The following SLC4A10 variants were observed in gnomAD, a reference collection of about 807,000 sequenced individuals.
SLC4A10 encodes sodium-driven chloride bicarbonate exchanger.
Under a neutral mutation model 137.7 loss-of-function variants are expected in SLC4A10, and 42 were observed. That is an observed-to-expected ratio of 0.30 (90% CI 0.24 to 0.39). The LOEUF (loss-of-function observed/expected upper bound fraction) is 0.39, where lower values mean the gene tolerates loss of function less well. SLC4A10 is among the 10% of genes least tolerant of loss of function. SLC4A10 has a pLI of 1.00. For synonymous variants in SLC4A10, 474 were observed against 464.1 expected (o/e 1.02, Z -0.27); for missense variants, 925 against 1,355.0 (o/e 0.68, Z 4.98).
intron 1 of SLC4A10, among the ~76,000 whole-genome samples, chr2:161,648,245 T>C (rs1347021516): frequency 6.6e-6 from 1 of 152,126 alleles, no homozygotes; most frequent in Non-Finnish European, 1.5e-5. Flanking sequence ...CATTCTCTTA[T>C]AGTTTACTTA....
At chr2:161,708,622 G>A in intron 1 of SLC4A10, 1 of 1,410,300 alleles carries the variant, frequency 7.1e-7, no homozygotes, top group Non-Finnish European at 9.3e-7. Flanking sequence ...TAGTATATGT[G>A]ATTTGATATC....
At chr2:161,925,980 T>C (rs1393141915) in intron 15 of SLC4A10, among the ~76,000 whole-genome samples, 2 of 152,120 alleles carry the variant, frequency 1.3e-5, no homozygotes, top group Non-Finnish European at 2.9e-5. Context: ...AACTATGTGG[T>C]CAATTTTGGA....
At position 161,753,005 on chromosome 2, in the gene SLC4A10, G is replaced by A. The variant is rs141198910; in HGVS notation, c.49-17968G>A. Reference sequence around the variant, plus strand: ...CTACATATAGCAAGATATGTTTTACGCTATAAATATATACAATTATATTTG... The same window carrying A: ...CTACATATAGCAAGATATGTTTTACACTATAAATATATACAATTATATTTG... On this transcript the variant is annotated intron_variant, in intron 1 of 26. Coordinates refer to ENST00000446997, the MANE Select transcript of SLC4A10 (RefSeq NM_001178015.2). 2.9e-3 allele frequency among the ~76,000 whole-genome samples: 446 copies of A among 151,876 alleles called. 1 individual carries two copies. Among genetic ancestry groups the A allele is most frequent in the African/African-American group, 0.01 (417 of 41,426 alleles).
At chr2:161,767,462 G>A (rs538466676) in intron 1 of SLC4A10, among the ~76,000 whole-genome samples, 24 of 151,310 alleles carry the variant, frequency 1.6e-4, no homozygotes, top group Non-Finnish European at 3.1e-4. Context: ...CTAACTCCCT[G>A]AACTCCTTTC....
intron 3 of SLC4A10, among the ~76,000 whole-genome samples, chr2:161,806,441 G>T (rs920295181): frequency 1.1e-4 from 16 of 152,058 alleles, no homozygotes; most frequent in African/African-American, 3.4e-4. Flanking sequence ...CAAATTTTCT[G>T]AACTTTTATC....
chr2:161,626,466 G>A (rs2032386654), intron 1 of SLC4A10, among the ~76,000 whole-genome samples: 1 of 152,082 alleles, frequency 6.6e-6, no homozygotes, highest in South Asian at 2.1e-4. Flanking sequence ...ATGTCATGGG[G>A]TTAATGGTCA....
At chr2:161,904,731 C>T (rs1190268554) in intron 13 of SLC4A10, 45 bp from the exon 14 acceptor site, 6 of 1,608,686 alleles carry the variant, frequency 3.7e-6, no homozygotes, top group Non-Finnish European at 5.1e-6. Context: ...CTACAATGGC[C>T]TCCTGTACAG....
chr2:161,698,629 A>G (rs1328892589), intron 1 of SLC4A10, among the ~76,000 whole-genome samples: 2 of 152,152 alleles, frequency 1.3e-5, no homozygotes, highest in Non-Finnish European at 2.9e-5. Flanking sequence ...GTGTATATTG[A>G]ACCAGCCTTG....
chr2:161,908,797 C>T (rs1299761961), intron 15 of SLC4A10, among the ~76,000 whole-genome samples: 1 of 151,268 alleles, frequency 6.6e-6, no homozygotes, highest in Non-Finnish European at 1.5e-5. Flanking sequence ...CAGAGAAGGA[C>T]TATGTGTGTT....
intron 1 of SLC4A10, among the ~76,000 whole-genome samples, chr2:161,745,139 C>T (rs543677965): frequency 1.1e-4 from 16 of 152,252 alleles, no homozygotes; most frequent in African/African-American, 3.6e-4. Flanking sequence ...TCTTTGAATA[C>T]ACTTTCTATG....
chr2:161,935,118 C>T (rs961123112), intron 15 of SLC4A10, among the ~76,000 whole-genome samples: 1 of 152,130 alleles, frequency 6.6e-6, no homozygotes, highest in Non-Finnish European at 1.5e-5. Flanking sequence ...ATTCAGTTGT[C>T]CCAACACCAT....
chr2:161,708,930 TG>T, intron 1 of SLC4A10: 1 of 1,306,572 alleles, frequency 7.7e-7, no homozygotes, highest in South Asian at 1.5e-5. Context: ...AATTGTTTAT[TG>T]TCAGACTTTC....
intron 1 of SLC4A10, among the ~76,000 whole-genome samples, chr2:161,637,088 C>G (rs377716306): frequency 5.5e-4 from 68 of 123,712 alleles, no homozygotes; most frequent in African/African-American, 1.8e-3. Flanking sequence ...TACGTATATA[C>G]ATATACGTAT....
At chr2:161,727,241 T>C (rs1370195498) in intron 1 of SLC4A10, among the ~76,000 whole-genome samples, 1 of 152,214 alleles carries the variant, frequency 6.6e-6, no homozygotes, top group Non-Finnish European at 1.5e-5. Flanking sequence ...TATTGCAGGA[T>C]CCTTCCCTGT....
chr2:161,771,090 CTTTCCAAAAGTA>C (rs1258967326), intron 2 of SLC4A10, 36 bp downstream of exon 2: 3 of 1,419,306 alleles, frequency 2.1e-6, no homozygotes. Context: ...TATTGGTGTG[CTTTCCAAAAGTA>C]TTTCACAGAT....
chr2:161,917,778 G>A (rs955904530), intron 15 of SLC4A10, among the ~76,000 whole-genome samples: 1 of 152,130 alleles, frequency 6.6e-6, no homozygotes, highest in Non-Finnish European at 1.5e-5. Context: ...AGAGTGAAGG[G>A]ATCATTAGGG....
intron 1 of SLC4A10, among the ~76,000 whole-genome samples, chr2:161,638,394 A>G (rs1175443012): frequency 6.6e-6 from 1 of 151,944 alleles, no homozygotes; most frequent in Non-Finnish European, 1.5e-5. Context: ...GCTTTTTCCA[A>G]TATGTGCTCA....
chr2:161,896,163 A>T (rs1236267136), intron 11 of SLC4A10, among the ~76,000 whole-genome samples: 1 of 152,082 alleles, frequency 6.6e-6, no homozygotes, highest in Non-Finnish European at 1.5e-5. Context: ...CCATTTATTA[A>T]ATAGGGAATC....
At chr2:161,717,061 T>C (rs2044995208) in intron 1 of SLC4A10, among the ~76,000 whole-genome samples, 1 of 152,194 alleles carries the variant, frequency 6.6e-6, no homozygotes, top group African/African-American at 2.4e-5. Flanking sequence ...TTGTAGCAAT[T>C]GTGAATGGGA....
Sources: gnomAD v4.1 joint callset for allele counts (sites outside exome capture counted in the v4.1 genomes callset) on GRCh38, gnomAD v4.1.1 for gene constraint, MANE v1.5 for transcripts, NCBI Gene and HGNC (gene_info 2026-07-23, HGNC 2026-07-21) for gene names.